The following BTAF1 variants were observed in gnomAD, a reference collection of about 807,000 sequenced individuals.
BTAF1 encodes B-TFIID TATA-box binding protein associated factor 1.
A neutral mutation model predicts 227.1 loss-of-function variants in BTAF1; 38 were observed. The ratio of observed to expected loss-of-function variants is 0.17; its 90% CI spans 0.13 to 0.22. BTAF1 has a LOEUF of 0.22. Ranked by LOEUF, BTAF1 falls within the 10% of genes least tolerant of loss-of-function variation. The pLI is 1.00. For synonymous variants in BTAF1, 742 were observed against 751.9 expected, an observed-to-expected ratio of 0.99 and a Z score of 0.21; for missense variants, 1,598 against 2,204.0, an observed-to-expected ratio of 0.73 and a Z score of 5.51.
In BTAF1 at chr10:91,992,180, A is replaced by C; in HGVS notation, c.2916A>C (p.Thr972=). The C allele has an allele frequency of 6.2e-7, 1 of 1,613,790 alleles. No individual in the cohort carries two copies. Among genetic ancestry groups the C allele is most frequent in the Non-Finnish European group, 8.5e-7 (1 of 1,179,920 alleles). ...TCACCAAGCACAGAGGTATAATTACACTCTACAGGCACCAGAAAGCTGCCT... is the reference window on the plus strand; with the variant it reads ...TCACCAAGCACAGAGGTATAATTACCCTCTACAGGCACCAGAAAGCTGCCT... ...HTVTKHRGII[T]LYRHQKAAFA... is the part of the protein sequence containing the mutation. The change falls in exon 21 of 38, where the codon ACA becomes ACC. Residue 972 remains threonine, a synonymous_variant. Transcript: ENST00000265990.
intron 14 of BTAF1, among the ~76,000 whole-genome samples, chr10:91,976,225 A>G (rs1847681945): frequency 6.6e-6 from 1 of 152,204 alleles, no homozygotes; most frequent in Non-Finnish European, 1.5e-5. Context: ...GCACAAGGCA[A>G]GGTATGGGGA....
intron 14 of BTAF1, among the ~76,000 whole-genome samples, chr10:91,974,058 C>T (rs955078879): frequency 2.0e-5 from 3 of 152,122 alleles, no homozygotes; most frequent in Admixed American, 6.5e-5. Context: ...CTTATGGAGT[C>T]ATTTTAACTA....
At chr10:91,956,914 C>T (rs1051592814) in intron 7 of BTAF1, among the ~76,000 whole-genome samples, 15 of 151,916 alleles carry the variant, frequency 9.9e-5, no homozygotes, top group Admixed American at 2.0e-4. Context: ...CGCTTGAACC[C>T]GGGAGGCCGA....
Position 91,958,896 on chromosome 10 carries a change from A to G in BTAF1, c.901-169A>G, listed in dbSNP as rs551390014. ...TATAACCAAAAGCAGTCTGAAATGT[A>G]TATGTGTAATTCTTCTTAGATAGTT... On this transcript the variant is annotated intron_variant, in intron 8 of 37. Coordinates refer to ENST00000265990, the MANE Select transcript of BTAF1 (RefSeq NM_003972.3). Among the ~76,000 whole-genome samples the G allele has an allele frequency of 9.2e-5, 14 of 152,334 alleles. No individual in the cohort carries two copies. The East Asian group carries it at 1.5e-3, about 17-fold the overall frequency.
rs533711889 is a variant in BTAF1, at chr10:92,025,978, C to G, written c.5076-614C>G. Reference sequence around the variant, plus strand: ...TGTTTATCATTCACACAGCCTCAGTCTCTCTAAAATAGGGATATTGGTAAT... The same window carrying G: ...TGTTTATCATTCACACAGCCTCAGTGTCTCTAAAATAGGGATATTGGTAAT... On this transcript the variant is annotated intron_variant, in intron 35 of 37. Coordinates refer to ENST00000265990, the MANE Select transcript of BTAF1 (RefSeq NM_003972.3). Among the ~76,000 whole-genome samples, 8 of 152,302 alleles carry G rather than the reference C, an allele frequency of 5.3e-5. 1 individual carries two copies. Among genetic ancestry groups the G allele is most frequent in the African/African-American group, 1.7e-4 (7 of 41,570 alleles).
intron 12 of BTAF1, among the ~76,000 whole-genome samples, chr10:91,963,822 T>C (rs974327761): frequency 6.6e-6 from 1 of 152,250 alleles, no homozygotes; most frequent in African/African-American, 2.4e-5. Context: ...TTTTATTTTC[T>C]GAATTCTACC....
intron 34 of BTAF1, among the ~76,000 whole-genome samples, chr10:92,023,303 G>A (rs1435189266): frequency 6.6e-6 from 1 of 152,194 alleles, no homozygotes; most frequent in Non-Finnish European, 1.5e-5. Context: ...TTTGGAGTTT[G>A]CCTGGATGGC....
At chr10:91,967,879 CTTTATT>C (rs1847033843) in intron 14 of BTAF1, among the ~76,000 whole-genome samples, 1 of 151,968 alleles carries the variant, frequency 6.6e-6, no homozygotes, top group African/African-American at 2.4e-5. Flanking sequence ...TATATATGGA[CTTTATT>C]TTTAATAGCA....
At chr10:91,933,156 A>G (rs1256338731) in intron 1 of BTAF1, among the ~76,000 whole-genome samples, 6 of 152,204 alleles carry the variant, frequency 3.9e-5, no homozygotes, top group African/African-American at 1.4e-4. Flanking sequence ...TGAGTGGAGG[A>G]AACAGTATAG....
rs537473471 is a variant in BTAF1 at position 91,951,028 on chromosome 10, G to A, written c.401-375G>A. 4.6e-5 allele frequency among the ~76,000 whole-genome samples: 7 copies of A among 151,978 alleles called. No individual in the cohort carries two copies. In the East Asian group the frequency reaches 1.2e-3, roughly 25 times the overall value. ...TTTTATAGAGATGGGGTCTCCCTACGTTGTCCAGACTGGTCTCAAACTCCT... is the reference window on the plus strand; with the variant it reads ...TTTTATAGAGATGGGGTCTCCCTACATTGTCCAGACTGGTCTCAAACTCCT... On this transcript the variant is annotated intron_variant, in intron 4 of 37. Transcript: ENST00000265990.
intron 25 of BTAF1, among the ~76,000 whole-genome samples, chr10:92,005,302 T>C (rs1346434712): frequency 1.3e-5 from 2 of 152,182 alleles, no homozygotes; most frequent in Non-Finnish European, 2.9e-5. Flanking sequence ...ATATGAGTTT[T>C]AGGATTGCTT....
rs529954206 is a variant in BTAF1, at chr10:91,992,106, T to G, written c.2855-13T>G. On this transcript the variant is annotated splice_polypyrimidine_tract_variant and intron_variant, in intron 20 of 37. Transcript: ENST00000265990. ...ATTATGATTAAAAGGTTGTTTAACTTTTTTCTTATTAGGATCCACCTCAGA... is the reference window on the plus strand; with the variant it reads ...ATTATGATTAAAAGGTTGTTTAACTGTTTTCTTATTAGGATCCACCTCAGA... 2 of 1,545,258 alleles carry G rather than the reference T, an allele frequency of 1.3e-6. No individual in the cohort carries two copies. The highest frequency in any genetic ancestry group is 4.0e-5 in the Admixed American group (2 of 50,264).
At position 91,930,967 on chromosome 10, in the gene BTAF1, C is replaced by G. The variant is rs913851416; in HGVS notation, c.15-4690C>G. Among the ~76,000 whole-genome samples the G allele has an allele frequency of 4.6e-5, 7 of 152,066 alleles. No individual in the cohort carries two copies. The South Asian group carries it at 1.5e-3, about 32-fold the overall frequency. On this transcript the variant is annotated intron_variant, in intron 1 of 37. Transcript: ENST00000265990. ...ATATATTTTGAAAATATCAGTGAGG[C>G]TTTTTGCCCCTCCCCTCCCGAGATG... is the stretch of plus-strand genomic sequence containing the variant.
chr10:91,939,190 A>C (rs1291005465), intron 2 of BTAF1, among the ~76,000 whole-genome samples: 1 of 152,026 alleles, frequency 6.6e-6, no homozygotes, highest in Non-Finnish European at 1.5e-5. Context: ...ATTCTTAAGT[A>C]TTTTCTACAT....
At chr10:92,006,010 A>G (rs1262328074) in intron 25 of BTAF1, among the ~76,000 whole-genome samples, 2 of 151,960 alleles carry the variant, frequency 1.3e-5, no homozygotes, top group Non-Finnish European at 2.9e-5. Context: ...AGAAGCTGGG[A>G]CTACAGTCCC....
intron 14 of BTAF1, among the ~76,000 whole-genome samples, chr10:91,971,469 C>CTT (rs11299263): frequency 1.0e-5 from 1 of 97,420 alleles, no homozygotes; most frequent in Non-Finnish European, 2.1e-5. Context: ...TAAAGCCAAA[C>CTT]TTTTTTTTTT....
chr10:91,959,781 A>T lies in BTAF1; in HGVS notation c.991-4A>T. On this transcript the variant is annotated splice_polypyrimidine_tract_variant and splice_region_variant and intron_variant, in intron 9 of 37. Transcript: ENST00000265990. ...ATATATATATATATATTATATTTTAACAGATGATTCAGCAGCATCAAGAGT... is the reference window on the plus strand; with the variant it reads ...ATATATATATATATATTATATTTTATCAGATGATTCAGCAGCATCAAGAGT... The T allele has an allele frequency of 1.5e-6, 2 of 1,342,306 alleles. No homozygotes were observed. The highest frequency in any genetic ancestry group is 1.0e-6 in the Non-Finnish European group (1 of 981,950). The allele number at this position is 1,342,306 out of a possible 1,614,324, so 83.1% of individuals were successfully genotyped here.
intron 1 of BTAF1, among the ~76,000 whole-genome samples, chr10:91,925,734 TCTC>T (rs1365770764): frequency 6.6e-6 from 1 of 152,112 alleles, no homozygotes; most frequent in African/African-American, 2.4e-5. Flanking sequence ...ATGGTCTCGA[TCTC>T]CTTACCTCGT....
intron 11 of BTAF1, among the ~76,000 whole-genome samples, chr10:91,962,089 G>T (rs1846564544): frequency 6.6e-6 from 1 of 152,132 alleles, no homozygotes; most frequent in African/African-American, 2.4e-5. Context: ...TTATGTGATT[G>T]TTTTTTAGTA....
Sources: gnomAD v4.1 joint callset for allele counts (sites outside exome capture counted in the v4.1 genomes callset) on GRCh38, gnomAD v4.1.1 for gene constraint, MANE v1.5 for transcripts, NCBI Gene and HGNC (gene_info 2026-07-23, HGNC 2026-07-21) for gene names.